Variants in MATN2 observed in about 807,000 individuals in gnomAD.
MATN2 encodes the protein matrilin 2.
MATN2 carries 69 observed loss-of-function variants against 103.2 expected under a neutral mutation model. The ratio of observed to expected loss-of-function variants is 0.67; its 90% confidence interval spans 0.55 to 0.82. The LOEUF (loss-of-function observed/expected upper bound fraction) is 0.82, where lower values mean the gene tolerates loss of function less well. Ranked by LOEUF, MATN2 falls within the 40% of genes least tolerant of loss-of-function variation. The pLI, the probability that MATN2 is intolerant of heterozygous loss-of-function variation, is 0.00. For synonymous variants in MATN2, 429 were observed against 450.2 expected (o/e 0.95, Z 0.60); for missense variants, 1,023 against 1,211.5 (o/e 0.84, Z 2.31).
At chr8:97,952,767 T>G (rs1586084133) in intron 4 of MATN2, among the ~76,000 whole-genome samples, 1 of 152,196 alleles carries the variant, frequency 6.6e-6, no homozygotes, top group Non-Finnish European at 1.5e-5. Context: ...CCTGGCAAGG[T>G]GTATCTCAAA....
At chr8:97,883,895 G>GCC (rs1818337656) in intron 1 of MATN2, among the ~76,000 whole-genome samples, 1 of 152,018 alleles carries the variant, frequency 6.6e-6, no homozygotes, top group Non-Finnish European at 1.5e-5. Flanking sequence ...TTGCCATGTT[G>GCC]CCCTGCCTTC....
intron 2 of MATN2, among the ~76,000 whole-genome samples, chr8:97,911,829 C>T (rs1405655960): frequency 6.6e-6 from 1 of 152,198 alleles, no homozygotes; most frequent in East Asian, 1.9e-4. Flanking sequence ...TGCCACATTG[C>T]TTCCATAGAA....
At chr8:97,906,316 C>T (rs1819169405) in intron 2 of MATN2, among the ~76,000 whole-genome samples, 1 of 152,188 alleles carries the variant, frequency 6.6e-6, no homozygotes, top group East Asian at 1.9e-4. Context: ...CATGGGGGTC[C>T]CTGATACAAA....
At chr8:97,933,153 A>T (rs909402325) in intron 3 of MATN2, among the ~76,000 whole-genome samples, 1 of 152,232 alleles carries the variant, frequency 6.6e-6, no homozygotes, top group African/African-American at 2.4e-5. Flanking sequence ...CAATGCCATG[A>T]AGAAAAAAAG....
chr8:98,004,927 T>G (rs993629175), intron 8 of MATN2, among the ~76,000 whole-genome samples: 1 of 152,208 alleles, frequency 6.6e-6, no homozygotes, highest in African/African-American at 2.4e-5. Flanking sequence ...AGTGTGGTGA[T>G]GGACCCTATG....
chr8:97,872,109 T>G (rs181012816), intron 1 of MATN2, among the ~76,000 whole-genome samples: 1 of 152,348 alleles, frequency 6.6e-6, no homozygotes, highest in Non-Finnish European at 1.5e-5. Context: ...CTTACTATTA[T>G]TGTCTGAGCC....
chr8:98,021,319 G>A lies in MATN2; in HGVS notation c.1934G>A (p.Arg645Gln), dbSNP rs375640185. 1.0e-4 allele frequency: 169 copies of A among 1,612,890 alleles called. No homozygotes were observed. The highest frequency in any genetic ancestry group is 1.3e-4 in the Non-Finnish European group (156 of 1,179,316). ...EGFVLAEDGR[R>Q]CKKCTEGPID... ...TTTGTTCTAGCTGAGGACGGAAGACGGTGCAAGAGTAAGTGATCTGAACTT... is the reference window on the plus strand; with the variant it reads ...TTTGTTCTAGCTGAGGACGGAAGACAGTGCAAGAGTAAGTGATCTGAACTT... The change falls in exon 13 of 19, where the codon CGG (arginine) becomes CAG (glutamine). Residue 645 changes from arginine (R) to glutamine (Q), a missense_variant. Transcript: ENST00000254898.
At chr8:97,948,262 G>A (rs1586078862) in intron 4 of MATN2, among the ~76,000 whole-genome samples, 2 of 152,112 alleles carry the variant, frequency 1.3e-5, no homozygotes, top group African/African-American at 4.8e-5. Flanking sequence ...CAAATTTTTT[G>A]CCACTCTGTG....
intron 16 of MATN2, among the ~76,000 whole-genome samples, chr8:98,032,548 T>C (rs11998362): frequency 0.019 from 2,898 of 152,212 alleles, 97 homozygotes; most frequent in African/African-American, 0.066. Flanking sequence ...GTTGTTGTTT[T>C]TTTGAGACAG....
At chr8:97,976,945 C>G (rs1811854753) in intron 5 of MATN2, among the ~76,000 whole-genome samples, 2 of 151,890 alleles carry the variant, frequency 1.3e-5, no homozygotes, top group African/African-American at 4.8e-5. Flanking sequence ...GAAATTTGAC[C>G]TCTGTGGCCA....
chr8:97,888,293 GA>G, intron 2 of MATN2, 51 bp downstream of exon 2: 1 of 1,439,250 alleles, frequency 6.9e-7, no homozygotes. Flanking sequence ...GTGGTTTGGG[GA>G]GGGCTCAGGG....
intron 3 of MATN2, among the ~76,000 whole-genome samples, chr8:97,939,655 ATAAAC>A (rs1473853241): frequency 9.9e-5 from 15 of 152,202 alleles, no homozygotes. Flanking sequence ...GTCTCACAAA[ATAAAC>A]TAAATTTAGA....
intron 2 of MATN2, among the ~76,000 whole-genome samples, chr8:97,894,323 CTT>C (rs58988866): frequency 2.1e-3 from 127 of 59,244 alleles, no homozygotes; most frequent in East Asian, 5.8e-3. Context: ...AAGAATTCAC[CTT>C]TTTTTTTTTT....
Position 97,913,632 on chromosome 8 carries a change from T to C in MATN2, c.143-17321T>C, listed in dbSNP as rs564009386. Among the ~76,000 whole-genome samples, 87 of 141,588 alleles carry C rather than the reference T, an allele frequency of 6.1e-4. No individual in the cohort carries two copies. The South Asian group carries it at 0.018, about 29-fold the overall frequency. 92.9% of individuals were successfully genotyped at this position (141,588 alleles called of 152,430 possible). A position where few individuals can be genotyped will look rare whatever the true frequency, so the allele number is the denominator to read the frequency against. Reference sequence around the variant, plus strand: ...ACCCTGCCATTTTTTTTTTTTTTTTTGAGATGGAGTCTCACTGTGTCGCCC... The same window carrying C: ...ACCCTGCCATTTTTTTTTTTTTTTTCGAGATGGAGTCTCACTGTGTCGCCC... On this transcript the variant is annotated intron_variant, in intron 2 of 18. Transcript: ENST00000254898.
chr8:97,885,775 G>A (rs947494135), intron 1 of MATN2, among the ~76,000 whole-genome samples: 8 of 152,226 alleles, frequency 5.3e-5, no homozygotes, highest in African/African-American at 1.9e-4. Context: ...TTCTAGCCTG[G>A]GTGAGAGAGT....
intron 14 of MATN2, 75 bp downstream of exon 14, chr8:98,027,904 G>A (rs1813871338): frequency 6.9e-7 from 1 of 1,441,948 alleles, no homozygotes; most frequent in Non-Finnish European, 9.3e-7. Flanking sequence ...GTCTCAGCTG[G>A]CCATAAGGGT....
At chr8:98,020,538 T>C (rs891268916) in intron 12 of MATN2, among the ~76,000 whole-genome samples, 2 of 152,216 alleles carry the variant, frequency 1.3e-5, no homozygotes, top group African/African-American at 4.8e-5. Context: ...GAACACAAGG[T>C]ACAACTTCTA....
intron 10 of MATN2, among the ~76,000 whole-genome samples, chr8:98,008,345 A>G (rs1185215630): frequency 6.6e-6 from 1 of 152,190 alleles, no homozygotes; most frequent in Non-Finnish European, 1.5e-5. Context: ...GAATCGAAAT[A>G]TGGTCATTTT....
intron 1 of MATN2, among the ~76,000 whole-genome samples, chr8:97,887,174 G>C (rs1283577568): frequency 3.3e-5 from 5 of 152,068 alleles, no homozygotes; most frequent in African/African-American, 1.2e-4. Flanking sequence ...TTACAGGTGT[G>C]AGTCACCACA....
Sources: gnomAD v4.1 joint callset for allele counts (sites outside exome capture counted in the v4.1 genomes callset) on GRCh38, gnomAD v4.1.1 for gene constraint, MANE v1.5 for transcripts, NCBI Gene and HGNC (gene_info 2026-07-23, HGNC 2026-07-21) for gene names.